The following LIG1 variants were observed in gnomAD, a reference collection of about 807,000 sequenced individuals.
LIG1 encodes the protein ligase I, DNA, ATP-dependent.
Under a neutral mutation model 115.7 loss-of-function variants are expected in LIG1, and 70 were observed. The ratio of observed to expected loss-of-function variants is 0.60; its 90% CI spans 0.50 to 0.74. The LOEUF is 0.74. Among genes scored for constraint, LIG1 ranks in the 30% least tolerant of loss-of-function variants. The pLI, the probability that LIG1 is intolerant of heterozygous loss-of-function variation, is 0.00. For missense variants in LIG1, 1,115 were observed against 1,225.6 expected (o/e 0.91, Z 1.35); for synonymous variants, 487 against 495.3 (o/e 0.98, Z 0.22).
At chr19:48,157,458 A>T (rs1299897666) in intron 4 of LIG1, among the ~76,000 whole-genome samples, 1 of 152,050 alleles carries the variant, frequency 6.6e-6, no homozygotes, top group Admixed American at 6.5e-5. Context: ...TTGTATTTTT[A>T]GTAGAGACGG....
At chr19:48,134,826 T>TG (rs1421975973) in intron 16 of LIG1, among the ~76,000 whole-genome samples, 3 of 152,198 alleles carry the variant, frequency 2.0e-5, no homozygotes, top group African/African-American at 4.8e-5. Context: ...CAGCACCCAG[T>TG]GGGGGGCCCT....
intron 5 of LIG1, among the ~76,000 whole-genome samples, chr19:48,154,924 C>T (rs2035741363): frequency 6.6e-6 from 1 of 152,200 alleles, no homozygotes; most frequent in African/African-American, 2.4e-5. Context: ...CTCCATCTGA[C>T]CTTCTAACCC....
chr19:48,117,562 T>A, intron 26 of LIG1, 76 bp downstream of exon 26: 2 of 1,484,802 alleles, frequency 1.3e-6, no homozygotes, highest in Non-Finnish European at 1.9e-6. Flanking sequence ...TGAGCCAAGG[T>A]CCCCTCCCTA....
intron 19 of LIG1, among the ~76,000 whole-genome samples, chr19:48,130,155 T>C (rs1469832568): frequency 6.6e-6 from 1 of 152,240 alleles, no homozygotes; most frequent in African/African-American, 2.4e-5. Flanking sequence ...TCAAACAGCA[T>C]AGTGCACACT....
chr19:48,146,300 T>C (rs1169059379), intron 9 of LIG1, among the ~76,000 whole-genome samples: 6 of 152,148 alleles, frequency 3.9e-5, no homozygotes. Flanking sequence ...GTCGGGAGTT[T>C]GAGACCAACC....
chr19:48,149,498 G>A (rs2122823805), intron 9 of LIG1, among the ~76,000 whole-genome samples: 1 of 152,318 alleles, frequency 6.6e-6, no homozygotes, highest in Admixed American at 6.5e-5. Context: ...ATGAAAGACT[G>A]GAGGCAGGGT....
At chr19:48,136,147 G>A (rs766150035) in intron 14 of LIG1, 22 bp from the exon 15 acceptor site, 2 of 1,544,756 alleles carry the variant, frequency 1.3e-6, no homozygotes, top group Non-Finnish European at 1.8e-6. Flanking sequence ...GCAGGCCAGG[G>A]AAGGGGGCTT....
rs3730975 is a variant in LIG1 at position 48,136,248 on chromosome 19, T to G, written c.1332-123A>C. The G allele has an allele frequency of 1.5e-4, 109 of 715,484 alleles. No individual in the cohort carries two copies. In the East Asian group the frequency reaches 2.8e-3, roughly 18 times the overall value. 44.3% of individuals were successfully genotyped at this position (715,484 alleles called of 1,614,324 possible). A position where few individuals can be genotyped will look rare whatever the true frequency, so the allele number is the denominator to read the frequency against. On this transcript the variant is annotated intron_variant, in intron 14 of 27. Transcript: ENST00000263274. ...CTCTCCTCAAAAACCAGAAGAATCT[T>G]CAGAGCCTGGAAGGGACCCCAGATA...
chr19:48,127,365 C>G lies in LIG1; in HGVS notation c.1933-17G>C. On this transcript the variant is annotated splice_polypyrimidine_tract_variant and intron_variant, in intron 20 of 27. Transcript: ENST00000263274. Reference sequence around the variant, plus strand: ...ATCCACCTCCTGGGTTGGGGCACAACGGAGTTCGTGAGTGCAGGAAGGTGA... The same window carrying G: ...ATCCACCTCCTGGGTTGGGGCACAAGGGAGTTCGTGAGTGCAGGAAGGTGA... The G allele has an allele frequency of 6.2e-7, 1 of 1,610,722 alleles. No individual in the cohort carries two copies. Among genetic ancestry groups the G allele is most frequent in the Non-Finnish European group, 8.5e-7 (1 of 1,179,418 alleles).
At chr19:48,124,928 T>C (rs2033562884) in intron 21 of LIG1, among the ~76,000 whole-genome samples, 1 of 150,054 alleles carries the variant, frequency 6.7e-6, no homozygotes, top group Admixed American at 6.7e-5. Context: ...CGCAGGAGAA[T>C]CACTTGAACG....
rs764106045 is a variant in LIG1 at position 48,117,682 on chromosome 19, C to A, written c.2539G>T (p.Ala847Ser). The change falls in exon 26 of 28, where the codon GCT becomes TCT. Residue 847 changes from alanine (A) to serine (S), a missense_variant. Ala to Ser is a moderately conservative substitution (Grantham distance 99). Coordinates refer to ENST00000263274, the MANE Select transcript of LIG1 (RefSeq NM_000234.3). The part of the protein sequence containing the change: ...DPSAVWEVKC[A>S]DLSLSPIYPA... ...TAGATGGGAGAGAGGGAGAGGTCAG[C>A]GCACTTCACCTCCCACACAGCGCTG... The A allele has an allele frequency of 1.2e-6, 2 of 1,612,426 alleles. No homozygotes were observed. Among genetic ancestry groups the A allele is most frequent in the South Asian group, 1.1e-5 (1 of 90,568 alleles).
chr19:48,128,643 CT>C (rs1263392947), intron 19 of LIG1, among the ~76,000 whole-genome samples: 1 of 152,238 alleles, frequency 6.6e-6, no homozygotes, highest in African/African-American at 2.4e-5. Flanking sequence ...ACCCCTGCCC[CT>C]GTCTGTCTCC....
At position 48,117,938 on chromosome 19, in the gene LIG1, C is replaced by T. The variant is rs182366242; in HGVS notation, c.2440-157G>A. 19 of 741,562 alleles carry T rather than the reference C, an allele frequency of 2.6e-5. No individual in the cohort carries two copies. In the East Asian group the frequency reaches 3.2e-4, roughly 13 times the overall value. 45.9% of individuals were successfully genotyped at this position (741,562 alleles called of 1,614,324 possible). A position where few individuals can be genotyped will look rare whatever the true frequency, so the allele number is the denominator to read the frequency against. ...GAAATAAGGGAAAAGAAACAAGACA[C>T]CCCCTTGAAGTAAACAGAAATAGAA... On this transcript the variant is annotated intron_variant, in intron 25 of 27. Coordinates refer to ENST00000263274, the MANE Select transcript of LIG1 (RefSeq NM_000234.3).
intron 5 of LIG1, 85 bp from the exon 6 acceptor site, chr19:48,154,052 T>TTCCAGAGG: frequency 2.8e-6 from 3 of 1,086,382 alleles, no homozygotes; most frequent in Non-Finnish European, 4.3e-6. Flanking sequence ...TGATGTAGCC[T>TTCCAGAGG]CTGGAAGGCT....
At position 48,122,619 on chromosome 19, in the gene LIG1, A is replaced by G. The variant is rs2033367776; in HGVS notation, c.2232+315T>C. Reference sequence around the variant, plus strand: ...ACTCCTGCCTGACTTTCTCTTATTCATGTCCTGGCTTAATTCCTGCCCAAG... The same window carrying G: ...ACTCCTGCCTGACTTTCTCTTATTCGTGTCCTGGCTTAATTCCTGCCCAAG... On this transcript the variant is annotated intron_variant, in intron 23 of 27. Coordinates refer to ENST00000263274, the MANE Select transcript of LIG1 (RefSeq NM_000234.3). The surrounding 1 kb of genome is among the most constrained non-coding windows in gnomAD (Gnocchi z 4.3). 6.6e-6 allele frequency among the ~76,000 whole-genome samples: 1 copy of G among 152,100 alleles called. No homozygotes were observed.
In LIG1 at chr19:48,168,761, A is replaced by G. The variant is rs1402408280; in HGVS notation, c.-58+1480T>C. On this transcript the variant is annotated intron_variant, in intron 1 of 27. Coordinates refer to ENST00000263274, the MANE Select transcript of LIG1 (RefSeq NM_000234.3). ...GGAGTTTTTTGGGGGGATGATAAAA[A>G]TATCCTAAAATCGATTATGGTAATA... 2.0e-5 allele frequency among the ~76,000 whole-genome samples: 3 copies of G among 152,254 alleles called. No individual in the cohort carries two copies. The East Asian group carries it at 5.8e-4, about 29-fold the overall frequency.
In LIG1 at chr19:48,127,985, G is replaced by A. The variant is rs1209744768; in HGVS notation, c.1857C>T (p.Asp619=). 2 of 1,614,054 alleles carry A rather than the reference G, an allele frequency of 1.2e-6. No individual in the cohort carries two copies. Among genetic ancestry groups the A allele is most frequent in the Non-Finnish European group, 1.7e-6 (2 of 1,180,038 alleles). Residue 619 remains aspartate (D), a synonymous_variant, in exon 20 of 28, where the codon GAC becomes GAT. Coordinates refer to ENST00000263274, the MANE Select transcript of LIG1 (RefSeq NM_000234.3). ...KLPSVTSFIL[D]TEAVAWDREK... ...CCCGGTCCCAAGCCACGGCTTCGGT[G>A]TCCAGGATGAAGGATGTGACCGATG...
At chr19:48,153,113 T>C (rs2035578703) in intron 6 of LIG1, among the ~76,000 whole-genome samples, 1 of 149,474 alleles carries the variant, frequency 6.7e-6, no homozygotes, top group Non-Finnish European at 1.5e-5. Flanking sequence ...GAGAATCGCT[T>C]GAGCCTGGGA....
rs1398966032 is a variant in LIG1 at position 48,143,905 on chromosome 19, C to T, written c.835G>A (p.Ala279Thr). The stretch of plus-strand genomic sequence containing the variant: ...CACTTCTGGCCCGGTTTCCAGCAGG[C>T]ATCTTCCACGGGATGATAGTTGTTC... ...AKNNYHPVED[A>T]CWKPGQKVPY... The change falls in exon 10 of 28, where the codon GCC becomes ACC. Residue 279 changes from alanine to threonine, a missense_variant. Physicochemically the swap from Ala to Thr is moderately conservative, Grantham distance 58. Transcript: ENST00000263274. 1 of 1,614,026 alleles carries T rather than the reference C, an allele frequency of 6.2e-7. No homozygotes were observed. Among genetic ancestry groups the T allele is most frequent in the Non-Finnish European group, 8.5e-7 (1 of 1,179,938 alleles).
Sources: allele counts gnomAD v4.1 joint callset (sites outside exome capture counted in the v4.1 genomes callset), GRCh38; gene constraint gnomAD v4.1.1; non-coding constraint Gnocchi (gnomAD v3.1); transcripts MANE v1.5; gene names NCBI Gene and HGNC (gene_info 2026-07-23, HGNC 2026-07-21).